The following YWHAE variants were observed in gnomAD, a reference collection of about 807,000 sequenced individuals.
YWHAE encodes tyrosine 3-monooxygenase/tryptophan 5-monooxygenase activation protein epsilon.
Under a neutral mutation model 30.1 loss-of-function variants are expected in YWHAE, and 4 were observed. The ratio of observed to expected loss-of-function variants is 0.13; its 90% CI spans 0.07 to 0.30. YWHAE has a LOEUF of 0.30. Ranked by LOEUF, YWHAE falls within the 10% of genes least tolerant of loss-of-function variation. YWHAE has a pLI of 1.00. For missense variants in YWHAE, 121 were observed against 315.9 expected, an observed-to-expected ratio of 0.38 and a Z score of 4.68; for synonymous variants, 118 against 111.8, an observed-to-expected ratio of 1.06 and a Z score of -0.35.
At chr17:1,399,159 A>C (rs1245130776) in intron 1 of YWHAE, 1 of 152,146 alleles carries the variant, frequency 6.6e-6, no homozygotes, top group Non-Finnish European at 1.5e-5. Flanking sequence ...CGGGCTCTAC[A>C]AAGGCTCGAA....
chr17:1,397,423 G>GC (rs1321400848), intron 1 of YWHAE, among the ~76,000 whole-genome samples: 1 of 152,126 alleles, frequency 6.6e-6, no homozygotes, highest in Non-Finnish European at 1.5e-5. Context: ...CCTGAACACA[G>GC]GTTAGCTCTT....
At chr17:1,346,051 T>A (rs945889211) in intron 5 of YWHAE, among the ~76,000 whole-genome samples, 1 of 147,756 alleles carries the variant, frequency 6.8e-6, no homozygotes, top group Admixed American at 6.7e-5. Context: ...CAAACTATAA[T>A]CAGATTTTAC....
chr17:1,361,231 T>A lies in YWHAE; in HGVS notation c.439A>T (p.Asn147Tyr). ...TGNDRKEAAE[N>Y]SLVAYKAASD... ...GCAGCTTTATAAGCCACTAGGCTGTTCTCCGCAGCCTCCTTCCTGTCGTTT... is the reference window on the plus strand; with the variant it reads ...GCAGCTTTATAAGCCACTAGGCTGTACTCCGCAGCCTCCTTCCTGTCGTTT... Residue 147 changes from asparagine to tyrosine, a missense_variant, in exon 4 of 6, where the codon AAC becomes TAC. Physicochemically the swap from Asn to Tyr is moderately radical, Grantham distance 143. This residue lies in a region of YWHAE where 99 missense variants were observed against 289.3 expected (regional missense o/e 0.34). Coordinates refer to ENST00000264335, the MANE Select transcript of YWHAE (RefSeq NM_006761.5). 1 of 1,613,874 alleles carries A rather than the reference T, an allele frequency of 6.2e-7. No individual in the cohort carries two copies. Among genetic ancestry groups the A allele is most frequent in the Non-Finnish European group, 8.5e-7 (1 of 1,179,918 alleles).
At chr17:1,398,268 A>G (rs1016996457) in intron 1 of YWHAE, among the ~76,000 whole-genome samples, 1 of 152,090 alleles carries the variant, frequency 6.6e-6, no homozygotes, top group African/African-American at 2.4e-5. Flanking sequence ...GCACATTCAT[A>G]TCTCTTTGAT....
chr17:1,370,225 C>G (rs2073012502), intron 1 of YWHAE, among the ~76,000 whole-genome samples: 1 of 143,850 alleles, frequency 7.0e-6, no homozygotes, highest in Non-Finnish European at 1.5e-5. Context: ...CTCCCAGGTT[C>G]ACGCCATTCT....
chr17:1,353,919 A>G (rs2072683913), intron 5 of YWHAE, among the ~76,000 whole-genome samples: 1 of 152,174 alleles, frequency 6.6e-6, no homozygotes, highest in Non-Finnish European at 1.5e-5. Context: ...AATACACTTA[A>G]CTTCAGCCCC....
intron 1 of YWHAE, among the ~76,000 whole-genome samples, chr17:1,387,799 T>C (rs763788606): frequency 3.4e-5 from 5 of 148,070 alleles, no homozygotes; most frequent in South Asian, 2.1e-4. Flanking sequence ...ATTTTTTGTA[T>C]ATTTAGTAGA....
At chr17:1,384,328 TC>T (rs200317966) in intron 1 of YWHAE, among the ~76,000 whole-genome samples, 10,991 of 151,656 alleles carry the variant, frequency 0.072, 460 homozygotes, top group African/African-American at 0.094. Flanking sequence ...GTGAGGTGTG[TC>T]TGCTACTGCA....
intron 1 of YWHAE, among the ~76,000 whole-genome samples, chr17:1,383,045 A>G (rs1324387126): frequency 1.4e-5 from 2 of 147,536 alleles, no homozygotes; most frequent in Admixed American, 6.7e-5. Flanking sequence ...AAAAAAAAAA[A>G]GGCAAAACAA....
intron 1 of YWHAE, chr17:1,399,098 G>A (rs969869966): frequency 6.6e-6 from 1 of 152,086 alleles, no homozygotes; most frequent in Non-Finnish European, 1.5e-5. Context: ...TGTCATCACG[G>A]TGCGCACAAA....
At chr17:1,353,163 G>A (rs1316636992) in intron 5 of YWHAE, among the ~76,000 whole-genome samples, 1 of 152,172 alleles carries the variant, frequency 6.6e-6, no homozygotes, top group Non-Finnish European at 1.5e-5. Flanking sequence ...AACAGGCCGG[G>A]CACGGTGGCT....
At position 1,365,158 on chromosome 17, in the gene YWHAE, C is replaced by T. The variant is rs993404464; in HGVS notation, c.65-100G>A. 8 of 1,228,884 alleles carry T rather than the reference C, an allele frequency of 6.5e-6. No homozygotes were observed. In the African/African-American group the frequency reaches 1.2e-4, roughly 19 times the overall value. The allele number at this position is 1,228,884 out of a possible 1,614,324, so 76.1% of individuals were successfully genotyped here. A position where few individuals can be genotyped will look rare whatever the true frequency, so the allele number is the denominator to read the frequency against. On this transcript the variant is annotated intron_variant, in intron 1 of 5. Coordinates refer to ENST00000264335, the MANE Select transcript of YWHAE (RefSeq NM_006761.5). The stretch of plus-strand genomic sequence containing the variant: ...TTCTGTCAAGCTACTGCGAAAAAAA[C>T]ATTTTAACAAAAATAATTTCATAAT...
At chr17:1,390,109 G>A (rs147428002) in intron 1 of YWHAE, among the ~76,000 whole-genome samples, 7,369 of 152,214 alleles carry the variant, frequency 0.048, 246 homozygotes, top group Middle Eastern at 0.071. Context: ...CTCCCAAAGT[G>A]CTGGGATTAC....
intron 4 of YWHAE, among the ~76,000 whole-genome samples, chr17:1,354,748 C>T (rs989166066): frequency 3.3e-5 from 5 of 151,972 alleles, no homozygotes; most frequent in South Asian, 2.1e-4. Flanking sequence ...CTGCAAGCTT[C>T]GCCTCTCAGG....
intron 4 of YWHAE, among the ~76,000 whole-genome samples, chr17:1,358,730 T>C (rs893524626): frequency 3.3e-5 from 5 of 149,916 alleles, no homozygotes; most frequent in Admixed American, 2.0e-4. Flanking sequence ...CTTGAGAGGC[T>C]GAAGCACCAG....
At chr17:1,371,118 T>C (rs911639994) in intron 1 of YWHAE, among the ~76,000 whole-genome samples, 5 of 152,158 alleles carry the variant, frequency 3.3e-5, no homozygotes, top group Non-Finnish European at 7.3e-5. Context: ...AGAGTCACAC[T>C]CTGTCACCCA....
intron 1 of YWHAE, among the ~76,000 whole-genome samples, chr17:1,380,621 A>C (rs4790342): frequency 0.49 from 75,206 of 152,006 alleles, 19,958 homozygotes; most frequent in African/African-American, 0.68. Flanking sequence ...AATAACAAAA[A>C]AACAAAACCG....
At chr17:1,373,550 C>A (rs1241797476) in intron 1 of YWHAE, among the ~76,000 whole-genome samples, 22 of 151,960 alleles carry the variant, frequency 1.4e-4, no homozygotes, top group Admixed American at 1.4e-3. Context: ...CGCCTGTAGT[C>A]CCAGCTACTC....
At chr17:1,392,313 T>C (rs2073400560) in intron 1 of YWHAE, among the ~76,000 whole-genome samples, 1 of 152,090 alleles carries the variant, frequency 6.6e-6, no homozygotes. Flanking sequence ...AGGTTGAGGA[T>C]GCAGTGAATC....
Sources: gnomAD v4.1 joint callset for allele counts (sites outside exome capture counted in the v4.1 genomes callset) on GRCh38, gnomAD v4.1.1 for gene constraint, gnomAD v4.1.1 regional missense constraint, MANE v1.5 for transcripts, NCBI Gene and HGNC (gene_info 2026-07-23, HGNC 2026-07-21) for gene names.